The following PPP1R9A variants were observed in gnomAD, a reference collection of about 807,000 sequenced individuals.
PPP1R9A encodes neurabin-1.
A neutral mutation model predicts 141.9 loss-of-function variants in PPP1R9A; 59 were observed. That is an observed-to-expected ratio of 0.42 (90% CI 0.34 to 0.52). The LOEUF is 0.52. PPP1R9A is among the 20% of genes least tolerant of loss of function. The probability of loss-of-function intolerance (pLI) is 0.10; values close to 1 mark genes in which losing one functional copy is unlikely to be tolerated. For synonymous variants in PPP1R9A, 500 were observed against 569.7 expected, an observed-to-expected ratio of 0.88 and a Z score of 1.74; for missense variants, 1,444 against 1,611.9, an observed-to-expected ratio of 0.90 and a Z score of 1.78.
chr7:95,116,252 T>C (rs1029904612), intron 3 of PPP1R9A, among the ~76,000 whole-genome samples: 6 of 152,108 alleles, frequency 3.9e-5, no homozygotes, highest in African/African-American at 1.4e-4. Flanking sequence ...TAATGCCCTT[T>C]AAATGAAATG....
intron 2 of PPP1R9A, among the ~76,000 whole-genome samples, chr7:95,099,289 T>C (rs999757897): frequency 6.6e-6 from 1 of 152,180 alleles, no homozygotes; most frequent in Non-Finnish European, 1.5e-5. Context: ...ATTGGGTTAA[T>C]TAGTTAAATG....
chr7:95,119,323 A>G (rs1822103219), intron 3 of PPP1R9A, among the ~76,000 whole-genome samples: 1 of 152,218 alleles, frequency 6.6e-6, no homozygotes, highest in Non-Finnish European at 1.5e-5. Context: ...AGTATTGTTC[A>G]TAGGACCAGT....
intron 12 of PPP1R9A, among the ~76,000 whole-genome samples, chr7:95,259,418 A>AT (rs1417393316): frequency 1.1e-4 from 16 of 152,246 alleles, no homozygotes; most frequent in Admixed American, 7.2e-4. Flanking sequence ...TAAGCTAAAA[A>AT]ATATATATTA....
chr7:95,287,661 T>C (rs1805598417), intron 18 of PPP1R9A, among the ~76,000 whole-genome samples: 1 of 152,180 alleles, frequency 6.6e-6, no homozygotes, highest in South Asian at 2.1e-4. Flanking sequence ...GCAGATCACA[T>C]AGACTTTCTC....
At chr7:95,186,542 T>C (rs1834681980) in intron 5 of PPP1R9A, among the ~76,000 whole-genome samples, 1 of 152,158 alleles carries the variant, frequency 6.6e-6, no homozygotes, top group East Asian at 1.9e-4. Context: ...GCTAGAACTT[T>C]TCAGTACTAT....
intron 2 of PPP1R9A, among the ~76,000 whole-genome samples, chr7:94,988,923 T>C (rs535472092): frequency 1.4e-4 from 21 of 152,150 alleles, no homozygotes; most frequent in African/African-American, 4.6e-4. Flanking sequence ...GTTATTTTAC[T>C]CCCATGTAAA....
intron 6 of PPP1R9A, among the ~76,000 whole-genome samples, chr7:95,199,719 T>C (rs2152862404): frequency 6.6e-6 from 1 of 152,344 alleles, no homozygotes; most frequent in East Asian, 1.9e-4. Context: ...GGCAAGTATA[T>C]TTTCATTACA....
intron 2 of PPP1R9A, among the ~76,000 whole-genome samples, chr7:94,923,224 C>T (rs185303996): frequency 3.3e-5 from 5 of 152,160 alleles, no homozygotes; most frequent in East Asian, 3.9e-4. Flanking sequence ...TCCTTAAGTT[C>T]GACTATTGTG....
chr7:95,225,887 A>G, intron 7 of PPP1R9A, 74 bp from the exon 8 acceptor site: 1 of 1,484,914 alleles, frequency 6.7e-7, no homozygotes, highest in Non-Finnish European at 9.1e-7. Context: ...CTTGTCTTTT[A>G]TAAAATATTT....
At chr7:94,933,070 G>GTA (rs904158108) in intron 2 of PPP1R9A, among the ~76,000 whole-genome samples, 2 of 151,598 alleles carry the variant, frequency 1.3e-5, no homozygotes, top group Non-Finnish European at 2.9e-5. Context: ...TCATATATAT[G>GTA]TATATATATG....
intron 2 of PPP1R9A, among the ~76,000 whole-genome samples, chr7:94,972,789 C>A (rs1798999889): frequency 6.6e-6 from 1 of 152,176 alleles, no homozygotes; most frequent in African/African-American, 2.4e-5. Flanking sequence ...TTTAGGTGAT[C>A]TGACTATTAA....
rs374792856 is a variant in PPP1R9A at position 95,284,049 on chromosome 7, C to T, written c.3328C>T (p.Pro1110Ser). The part of the protein sequence containing the change: ...IFRGRLENWT[P>S]KPCSTAQTST... ...CAGAGGCAGACTGGAAAACTGGACA[C>T]CCAAGCCATGTTCAACAGCTCAGAC... The change falls in exon 17 of 20, where the codon CCC becomes TCC. Residue 1110 changes from proline to serine, a missense_variant. Physicochemically the swap from Pro to Ser is moderately conservative, Grantham distance 74. This residue lies in a region of PPP1R9A where 459 missense variants were observed against 513.8 expected (regional missense o/e 0.89). Transcript: ENST00000433360. 6 of 1,597,930 alleles carry T rather than the reference C, an allele frequency of 3.8e-6. No homozygotes were observed. The African/African-American group carries it at 6.7e-5, about 18-fold the overall frequency.
intron 16 of PPP1R9A, among the ~76,000 whole-genome samples, chr7:95,276,218 C>G (rs1277171079): frequency 6.6e-6 from 1 of 152,164 alleles, no homozygotes; most frequent in Non-Finnish European, 1.5e-5. Context: ...GAGGCACCAC[C>G]TGAGAGGGAT....
chr7:95,185,099 A>G (rs1400487972), intron 5 of PPP1R9A, among the ~76,000 whole-genome samples: 1 of 149,650 alleles, frequency 6.7e-6, no homozygotes, highest in African/African-American at 2.5e-5. Context: ...TGTGCAGGTT[A>G]GTTACTCCAT....
intron 2 of PPP1R9A, among the ~76,000 whole-genome samples, chr7:95,090,972 T>C (rs1817270098): frequency 6.6e-6 from 1 of 152,060 alleles, no homozygotes; most frequent in Admixed American, 6.5e-5. Context: ...AATAACCTTA[T>C]AGAGCATGAT....
chr7:94,923,902 G>A (rs968262230), intron 2 of PPP1R9A, among the ~76,000 whole-genome samples: 10 of 152,174 alleles, frequency 6.6e-5, no homozygotes, highest in African/African-American at 2.2e-4. Context: ...GATTTTATAA[G>A]TTCTGGTGAA....
rs139729101 is a variant in PPP1R9A at position 95,261,677 on chromosome 7, C to T, written c.2666-6873C>T. Among the ~76,000 whole-genome samples the T allele has an allele frequency of 2.6e-5, 4 of 152,188 alleles. No homozygotes were observed. The East Asian group carries it at 5.8e-4, about 22-fold the overall frequency. ...TTGAGGGATTTTTATTATTTATTTA[C>T]AAACTTTATTACAAACTATTTCCAA... On this transcript the variant is annotated intron_variant, in intron 12 of 19. Transcript: ENST00000433360.
At chr7:95,010,479 A>C (rs531255424) in intron 2 of PPP1R9A, among the ~76,000 whole-genome samples, 1 of 152,240 alleles carries the variant, frequency 6.6e-6, no homozygotes, top group East Asian at 1.9e-4. Flanking sequence ...TTTTCTTTAC[A>C]AGTTTGATAA....
chr7:95,127,679 C>T (rs908837969), intron 4 of PPP1R9A, among the ~76,000 whole-genome samples: 1 of 152,164 alleles, frequency 6.6e-6, no homozygotes, highest in East Asian at 1.9e-4. Context: ...CTTGCTCTCC[C>T]CTCTATTAGT....
Sources: gnomAD v4.1 joint callset for allele counts (sites outside exome capture counted in the v4.1 genomes callset) on GRCh38, gnomAD v4.1.1 for gene constraint, gnomAD v4.1.1 regional missense constraint, MANE v1.5 for transcripts, NCBI Gene and HGNC (gene_info 2026-07-23, HGNC 2026-07-21) for gene names.